The following ZNF124 variants were observed in gnomAD, a reference collection of about 807,000 sequenced individuals.
The protein encoded by ZNF124 is zinc finger protein HZF-16.
Under a neutral mutation model 26.6 loss-of-function variants are expected in ZNF124, and 25 were observed. That is an observed-to-expected ratio of 0.94 (90% CI 0.68 to 1.31). ZNF124 has a LOEUF of 1.31. Among genes scored for constraint, ZNF124 ranks in the 40% most tolerant of loss-of-function variants. The probability of loss-of-function intolerance (pLI) is 0.00; values close to 1 mark genes in which losing one functional copy is unlikely to be tolerated. For synonymous variants in ZNF124, 129 were observed against 133.3 expected, an observed-to-expected ratio of 0.97 and a Z score of 0.22; for missense variants, 444 against 422.2, an observed-to-expected ratio of 1.05 and a Z score of -0.45.
At chr1:247,146,956 G>A (rs980549981) in intron 3 of ZNF124, among the ~76,000 whole-genome samples, 1 of 152,096 alleles carries the variant, frequency 6.6e-6, no homozygotes. Flanking sequence ...GGTCTGGAAT[G>A]TCCATGGGCA....
At chr1:247,125,337 C>T (rs1483160819) in intron 3 of ZNF124, among the ~76,000 whole-genome samples, 1 of 149,264 alleles carries the variant, frequency 6.7e-6, no homozygotes, top group African/African-American at 2.5e-5. Flanking sequence ...GGTTGCCAGA[C>T]TGTTTTCCAG....
Position 247,155,260 on chromosome 1 carries a change from C to G in ZNF124, c.*1306G>C, listed in dbSNP as rs1157707520. Among the ~76,000 whole-genome samples the G allele has an allele frequency of 6.6e-6, 1 of 152,156 alleles. No homozygotes were observed. The highest frequency in any genetic ancestry group is 6.5e-5 in the Admixed American group (1 of 15,276). On this transcript the variant is annotated 3_prime_UTR_variant, in exon 4 of 4. Coordinates refer to ENST00000543802, the MANE Select transcript of ZNF124 (RefSeq NM_001297568.2). Reference sequence around the variant, plus strand: ...ACTCTATTAGCAAAGAAAATAGACTCATTTATCAATGGCCAATTAATAACA... The same window carrying G: ...ACTCTATTAGCAAAGAAAATAGACTGATTTATCAATGGCCAATTAATAACA...
chr1:247,122,715 T>G (rs1442604875), exon 4 of ZNF124: 1 of 152,042 alleles, frequency 6.6e-6, no homozygotes, highest in Non-Finnish European at 1.5e-5. Flanking sequence ...GCCCTGGGAG[T>G]TTTGCAGTAA....
chr1:247,147,209 C>T (rs2103110339), intron 3 of ZNF124, among the ~76,000 whole-genome samples: 2 of 141,190 alleles, frequency 1.4e-5, no homozygotes, highest in Middle Eastern at 3.6e-3. Context: ...TCAAGGATTT[C>T]TGTTAGTCAT....
intron 1 of ZNF124, among the ~76,000 whole-genome samples, chr1:247,164,290 C>T (rs935816302): frequency 6.6e-6 from 1 of 151,980 alleles, no homozygotes; most frequent in South Asian, 2.1e-4. Context: ...AAATAAAATG[C>T]ATCCAAATAG....
chr1:247,158,930 T>C, intron 3 of ZNF124, 76 bp downstream of exon 3: 1 of 1,387,554 alleles, frequency 7.2e-7, no homozygotes, highest in Non-Finnish European at 1.0e-6. Context: ...TGCCTGGCCT[T>C]GTTTGCTTTA....
exon 4 of ZNF124, chr1:247,123,119 A>G (rs537978211): frequency 7.0e-6 from 1 of 143,406 alleles, no homozygotes; most frequent in South Asian, 2.1e-4. Flanking sequence ...TGTATCTCAT[A>G]AGATCACTGG....
chr1:247,153,643 A>G (rs566401890), downstream of ZNF124, among the ~76,000 whole-genome samples: 1 of 152,322 alleles, frequency 6.6e-6, no homozygotes, highest in South Asian at 2.1e-4. Context: ...CAGACAGTGT[A>G]GACCATCTGT....
intron 3 of ZNF124, among the ~76,000 whole-genome samples, chr1:247,135,761 G>A (rs1349110871): frequency 2.0e-5 from 3 of 152,102 alleles, no homozygotes; most frequent in Non-Finnish European, 4.4e-5. Flanking sequence ...CCTGATGAAC[G>A]TCAATGCAAA....
At chr1:247,164,354 C>T (rs1278653299) in intron 1 of ZNF124, among the ~76,000 whole-genome samples, 1 of 152,124 alleles carries the variant, frequency 6.6e-6, no homozygotes, top group Admixed American at 6.5e-5. Context: ...CTATACCCCC[C>T]AAAACCCCAC....
At chr1:247,141,731 A>T (rs1572065571) in intron 3 of ZNF124, among the ~76,000 whole-genome samples, 1 of 152,028 alleles carries the variant, frequency 6.6e-6, no homozygotes, top group Non-Finnish European at 1.5e-5. Flanking sequence ...AACTGAGAAG[A>T]CCTGTGATGC....
chr1:247,166,941 C>T (rs1342777524), intron 1 of ZNF124, among the ~76,000 whole-genome samples: 1 of 152,126 alleles, frequency 6.6e-6, no homozygotes, highest in Admixed American at 6.5e-5. Flanking sequence ...GGATTATACA[C>T]CAAAACCAAG....
At chr1:247,150,415 C>G (rs968530227), downstream of ZNF124, among the ~76,000 whole-genome samples, 9 of 152,054 alleles carry the variant, frequency 5.9e-5, no homozygotes, top group African/African-American at 2.2e-4. Context: ...AAAGTCAGCT[C>G]TGAGGGTGAG....
Position 247,157,354 on chromosome 1 carries a change from C to T in ZNF124, c.268G>A (p.Gly90Arg), listed in dbSNP as rs774577935. 20 of 1,555,970 alleles carry T rather than the reference C, an allele frequency of 1.3e-5. No individual in the cohort carries two copies. Among genetic ancestry groups the T allele is most frequent in the East Asian group, 7.3e-5 (3 of 41,184 alleles). ...GNNPYGCEEC[G>R]KKPCTCKQCQ... ...TGTTTACATGTACATGGCTTCTTTC[C>T]GCATTCCTCACACCCATATGGGTTG... is the stretch of plus-strand genomic sequence containing the variant. The change falls in exon 4 of 4, where the codon GGA becomes AGA. Residue 90 changes from glycine to arginine, a missense_variant. By Grantham distance (125) the Gly-to-Arg change is moderately radical. Coordinates refer to ENST00000543802, the MANE Select transcript of ZNF124 (RefSeq NM_001297568.2).
At chr1:247,136,652 T>G (rs1672489791) in intron 3 of ZNF124, among the ~76,000 whole-genome samples, 1 of 152,082 alleles carries the variant, frequency 6.6e-6, no homozygotes, top group East Asian at 1.9e-4. Context: ...TATTTAAAAT[T>G]TCATGTGAAA....
downstream of ZNF124, among the ~76,000 whole-genome samples, chr1:247,151,410 C>A (rs138076871): frequency 6.8e-6 from 1 of 147,900 alleles, no homozygotes; most frequent in Admixed American, 6.9e-5. Context: ...ACTCGGGAGG[C>A]GGAGCTTGCA....
intron 1 of ZNF124, among the ~76,000 whole-genome samples, chr1:247,160,442 T>C (rs1351478072): frequency 1.3e-5 from 2 of 152,206 alleles, no homozygotes; most frequent in Non-Finnish European, 2.9e-5. Flanking sequence ...CTATCTGGTG[T>C]GCATAAGAGA....
chr1:247,155,045 A>G lies in ZNF124; in HGVS notation c.*1521T>C, dbSNP rs1440976054. Among the ~76,000 whole-genome samples, 2 of 152,250 alleles carry G rather than the reference A, an allele frequency of 1.3e-5. No individual in the cohort carries two copies. Among genetic ancestry groups the G allele is most frequent in the African/African-American group, 4.8e-5 (2 of 41,462 alleles). On this transcript the variant is annotated 3_prime_UTR_variant, in exon 4 of 4. Coordinates refer to ENST00000543802, the MANE Select transcript of ZNF124 (RefSeq NM_001297568.2). The stretch of plus-strand genomic sequence containing the variant: ...CCCTCAGCTAACATCATACATGATG[A>G]TAAGACTGGATGCTTTCTTTCTCAG...
In ZNF124 at chr1:247,159,102, T is replaced by TTGAAATTATAGAC. The variant is rs540476179; in HGVS notation, c.158-37_158-36insGTCTATAATTTCA. ...GACCCAGAAATATATTACAAATTAT[T>TTGAAATTATAGAC]TGAAATTATAGAAAAATTACTAGAC... On this transcript the variant is annotated intron_variant, in intron 2 of 3. Transcript: ENST00000543802. The TTGAAATTATAGAC allele has an allele frequency of 3.4e-4, 545 of 1,585,532 alleles. No homozygotes were observed. In the African/African-American group the frequency reaches 6.7e-3, roughly 20 times the overall value.
Sources: gnomAD v4.1 joint callset for allele counts (sites outside exome capture counted in the v4.1 genomes callset) on GRCh38, gnomAD v4.1.1 for gene constraint, MANE v1.5 for transcripts, NCBI Gene and HGNC (gene_info 2026-07-23, HGNC 2026-07-21) for gene names.